Variants in PPFIBP2 observed in about 807,000 individuals in gnomAD.
The protein encoded by PPFIBP2 is PPFIB scaffold protein 2.
PPFIBP2 carries 118 observed loss-of-function variants against 118.3 expected under a neutral mutation model. That is an observed-to-expected ratio of 1.00 (90% confidence interval 0.86 to 1.16). PPFIBP2 has a LOEUF of 1.16. PPFIBP2 is among the 50% of genes most tolerant of loss of function. The probability of loss-of-function intolerance (pLI) is 0.00; values close to 1 mark genes in which losing one functional copy is unlikely to be tolerated. For missense variants in PPFIBP2, 1,195 were observed against 1,073.1 expected (o/e 1.11, Z -1.59); for synonymous variants, 414 against 397.4 (o/e 1.04, Z -0.50).
At chr11:7,575,578 T>C (rs2134884853) in intron 3 of PPFIBP2, among the ~76,000 whole-genome samples, 1 of 152,346 alleles carries the variant, frequency 6.6e-6, no homozygotes, top group Middle Eastern at 3.4e-3. Flanking sequence ...CAAATCAGCT[T>C]GTCTACCTCC....
Position 7,549,526 on chromosome 11 carries a change from C to A in PPFIBP2, c.51C>A (p.Asp17Glu). The A allele has an allele frequency of 6.4e-7, 1 of 1,563,218 alleles. No individual in the cohort carries two copies. ...HALEAALEQM[D>E]GIIAGTKTGA... ...TGGAAGCTGCCCTGGAGCAAATGGA[C>A]GGGATCATTGCAGGTACGCCCAGGG... Residue 17 changes from aspartate (D) to glutamate (E), a missense_variant, in exon 2 of 24, where the codon GAC becomes GAA. Physicochemically the swap from Asp to Glu is conservative, Grantham distance 45. Transcript: ENST00000299492.
At chr11:7,659,705 G>T (rs1854851238), downstream of PPFIBP2, among the ~76,000 whole-genome samples, 1 of 115,874 alleles carries the variant, frequency 8.6e-6, no homozygotes, top group Non-Finnish European at 2.0e-5. Flanking sequence ...GTAGCTTGAT[G>T]GGGATGGCAT....
chr11:7,542,609 A>G (rs1015199367), intron 1 of PPFIBP2, among the ~76,000 whole-genome samples: 23 of 152,026 alleles, frequency 1.5e-4, no homozygotes, highest in African/African-American at 5.6e-4. Context: ...CCCATTTGTC[A>G]TTATCTGTTC....
intron 15 of PPFIBP2, 106 bp downstream of exon 15, chr11:7,639,976 T>A (rs1323260989): frequency 1.4e-6 from 2 of 1,459,956 alleles, no homozygotes; most frequent in South Asian, 1.4e-5. Context: ...AATTGGAGAA[T>A]GGTGGGGTGG....
intron 1 of PPFIBP2, among the ~76,000 whole-genome samples, chr11:7,548,732 C>T (rs1003814116): frequency 7.9e-5 from 12 of 152,124 alleles, no homozygotes; most frequent in Admixed American, 5.2e-4. Flanking sequence ...AGGTAGTGGC[C>T]GGACTGTGTA....
chr11:7,607,205 C>T (rs1590549583), intron 5 of PPFIBP2, among the ~76,000 whole-genome samples: 4 of 140,560 alleles, frequency 2.8e-5, no homozygotes, highest in South Asian at 2.3e-4. Flanking sequence ...CCACCGCGCC[C>T]GGCCTTTTTT....
chr11:7,618,885 GTTT>G (rs36101082), intron 6 of PPFIBP2, among the ~76,000 whole-genome samples: 466 of 124,528 alleles, frequency 3.7e-3, no homozygotes, highest in African/African-American at 4.7e-3. Context: ...CCATCCAGAA[GTTT>G]TTTTTTTTTT....
chr11:7,555,764 C>T (rs1025949932), intron 2 of PPFIBP2, among the ~76,000 whole-genome samples: 1 of 152,160 alleles, frequency 6.6e-6, no homozygotes, highest in Non-Finnish European at 1.5e-5. Context: ...GACCCCATCT[C>T]CCAGTCCTTT....
intron 12 of PPFIBP2, among the ~76,000 whole-genome samples, chr11:7,633,869 A>G (rs1454022031): frequency 6.6e-6 from 1 of 152,186 alleles, no homozygotes; most frequent in Non-Finnish European, 1.5e-5. Context: ...TCTGAGAAAT[A>G]TGACTGCCAA....
intron 1 of PPFIBP2, among the ~76,000 whole-genome samples, chr11:7,517,895 C>G (rs554059636): frequency 6.6e-6 from 1 of 152,314 alleles, no homozygotes; most frequent in African/African-American, 2.4e-5. Flanking sequence ...GCGGTCCCTG[C>G]AGGGGCCGCT....
At chr11:7,520,242 G>T (rs1448017542) in intron 1 of PPFIBP2, among the ~76,000 whole-genome samples, 1 of 152,210 alleles carries the variant, frequency 6.6e-6, no homozygotes. Context: ...TAAACAAGAA[G>T]TGTCTCAGTT....
In PPFIBP2 at chr11:7,531,383, C is replaced by T. The variant is rs904033006; in HGVS notation, c.-37+17262C>T. Among the ~76,000 whole-genome samples the T allele has an allele frequency of 2.6e-5, 4 of 152,272 alleles. No homozygotes were observed. The East Asian group carries it at 7.7e-4, about 29-fold the overall frequency. ...TGCAGCTTGACATCTGGTCAGGCTG[C>T]AGGATCTTAGGGTTTCCTCTTTGTA... On this transcript the variant is annotated intron_variant, in intron 1 of 23. Coordinates refer to ENST00000299492, the MANE Select transcript of PPFIBP2 (RefSeq NM_003621.5).
chr11:7,623,182 T>C (rs1849562282), intron 7 of PPFIBP2, among the ~76,000 whole-genome samples: 1 of 151,426 alleles, frequency 6.6e-6, no homozygotes, highest in Non-Finnish European at 1.5e-5. Flanking sequence ...CCAGCACTGT[T>C]TTTGGAAGTT....
intron 1 of PPFIBP2, among the ~76,000 whole-genome samples, chr11:7,546,384 T>A (rs949795614): frequency 1.3e-5 from 2 of 152,334 alleles, no homozygotes; most frequent in Middle Eastern, 3.4e-3. Flanking sequence ...ATGTTTCACT[T>A]CAGGCCAGCT....
chr11:7,645,687 C>G (rs571177854), intron 17 of PPFIBP2, among the ~76,000 whole-genome samples: 1 of 151,872 alleles, frequency 6.6e-6, no homozygotes, highest in South Asian at 2.1e-4. Flanking sequence ...ATTCGCAAAA[C>G]AAAAAATGGG....
intron 1 of PPFIBP2, among the ~76,000 whole-genome samples, chr11:7,534,247 G>T (rs1283628580): frequency 1.3e-5 from 2 of 152,182 alleles, no homozygotes; most frequent in Non-Finnish European, 2.9e-5. Context: ...TGGTGGTTTG[G>T]TTTTTTGTGT....
chr11:7,598,548 T>C (rs1463365753), intron 5 of PPFIBP2: 3 of 154,212 alleles, frequency 1.9e-5, no homozygotes, highest in African/African-American at 7.2e-5. Flanking sequence ...CCTTAAGTCA[T>C]TCTTACATTT....
At chr11:7,549,608 A>AAT in intron 2 of PPFIBP2, 69 bp downstream of exon 2, 63 of 1,047,078 alleles carry the variant, frequency 6.0e-5, no homozygotes, top group Non-Finnish European at 6.9e-5. Context: ...CTCTCCTTTT[A>AAT]CTTTTTTTTT....
intron 1 of PPFIBP2, among the ~76,000 whole-genome samples, chr11:7,521,864 G>T (rs75110262): frequency 0.036 from 5,439 of 152,258 alleles, 133 homozygotes; most frequent in Non-Finnish European, 0.054. Context: ...TGGGAGGAAG[G>T]ACAGGCCCAG....
Sources: allele counts gnomAD v4.1 joint callset (sites outside exome capture counted in the v4.1 genomes callset), GRCh38; gene constraint gnomAD v4.1.1; transcripts MANE v1.5; gene names NCBI Gene and HGNC (gene_info 2026-07-23, HGNC 2026-07-21).